The following STK3 variants were observed in gnomAD, a reference collection of about 807,000 sequenced individuals.
STK3 encodes the protein serine/threonine kinase 3.
Under a neutral mutation model 58.0 loss-of-function variants are expected in STK3, and 41 were observed. The observed-to-expected ratio is 0.71, with a 90% CI of 0.55 to 0.92. The LOEUF is 0.92. Among genes scored for constraint, STK3 ranks in the 40% least tolerant of loss-of-function variants. The pLI is 0.00. For synonymous variants in STK3, 170 were observed against 191.0 expected, an observed-to-expected ratio of 0.89 and a Z score of 0.91; for missense variants, 479 against 602.7, an observed-to-expected ratio of 0.79 and a Z score of 2.15.
At chr8:98,424,465 G>A (rs1334217434) in intron 3 of STK3, among the ~76,000 whole-genome samples, 1 of 152,212 alleles carries the variant, frequency 6.6e-6, no homozygotes, top group Admixed American at 6.5e-5. Flanking sequence ...AAGAGCAGGG[G>A]CAGAGCTGAG....
chr8:98,430,978 C>A (rs927953895), intron 3 of STK3: 7 of 167,100 alleles, frequency 4.2e-5, no homozygotes, highest in African/African-American at 1.7e-4. Context: ...GATAATTCTT[C>A]TCCATCATCT....
chr8:98,486,590 C>T (rs1822285042), intron 10 of STK3, among the ~76,000 whole-genome samples: 1 of 152,034 alleles, frequency 6.6e-6, no homozygotes, highest in East Asian at 1.9e-4. Flanking sequence ...CCCCTAGGAC[C>T]CAGTGGTATC....
chr8:98,678,323 T>C (rs1191745570), intron 6 of STK3, among the ~76,000 whole-genome samples: 2 of 152,170 alleles, frequency 1.3e-5, no homozygotes, highest in South Asian at 2.1e-4. Context: ...ATGAAATCCA[T>C]AGAGAATTGA....
chr8:98,511,541 A>G (rs1824516106), intron 10 of STK3, among the ~76,000 whole-genome samples: 1 of 152,268 alleles, frequency 6.6e-6, no homozygotes, highest in Non-Finnish European at 1.5e-5. Context: ...TATGAAATGG[A>G]GTATGAACTG....
At chr8:98,515,960 A>G (rs1386026128) in intron 10 of STK3, among the ~76,000 whole-genome samples, 3 of 152,096 alleles carry the variant, frequency 2.0e-5, no homozygotes, top group Admixed American at 6.6e-5. Context: ...ACATACTAAG[A>G]TCTCAATATG....
At chr8:98,463,576 A>G (rs1820185089) in intron 10 of STK3, among the ~76,000 whole-genome samples, 1 of 152,256 alleles carries the variant, frequency 6.6e-6, no homozygotes, top group South Asian at 2.1e-4. Context: ...AAGTATTGAA[A>G]GTCTGCTTAT....
At chr8:98,477,825 G>C (rs1271114802) in intron 10 of STK3, among the ~76,000 whole-genome samples, 1 of 149,510 alleles carries the variant, frequency 6.7e-6, no homozygotes, top group African/African-American at 2.5e-5. Context: ...ACTAATGAAC[G>C]TTTGGTGGGG....
intron 6 of STK3, among the ~76,000 whole-genome samples, chr8:98,698,966 CT>C (rs1356997518): frequency 1.3e-5 from 2 of 152,204 alleles, no homozygotes; most frequent in Non-Finnish European, 2.9e-5. Context: ...TGTTTTCCAA[CT>C]TGGTTCCATT....
At chr8:98,556,078 C>A (rs986700337) in intron 8 of STK3, among the ~76,000 whole-genome samples, 29 of 151,952 alleles carry the variant, frequency 1.9e-4, no homozygotes, top group Non-Finnish European at 2.8e-4. Flanking sequence ...CAAGTCTTAC[C>A]TGAGCTAGGT....
intron 10 of STK3, among the ~76,000 whole-genome samples, chr8:98,459,866 T>G (rs1464224945): frequency 2.6e-5 from 4 of 152,226 alleles, no homozygotes; most frequent in African/African-American, 9.6e-5. Flanking sequence ...GTAATGGAAA[T>G]GACTGGATGT....
chr8:98,762,657 G>A (rs968230559), intron 3 of STK3, among the ~76,000 whole-genome samples: 5 of 152,232 alleles, frequency 3.3e-5, no homozygotes, highest in African/African-American at 1.2e-4. Flanking sequence ...AAGGGGATAA[G>A]TGTGTGCCCT....
intron 1 of STK3, among the ~76,000 whole-genome samples, chr8:98,888,489 C>A (rs1838078124): frequency 6.6e-6 from 1 of 152,032 alleles, no homozygotes; most frequent in Non-Finnish European, 1.5e-5. Context: ...GGGCTGGACA[C>A]CCCCAGTCTA....
the STK3 span, among the ~76,000 whole-genome samples, chr8:98,356,988 G>A: frequency 2.0e-5 from 3 of 152,304 alleles, no homozygotes; most frequent in African/African-American, 7.2e-5. Flanking sequence ...TTACATATAA[G>A]ACCTCCTAAA....
At chr8:98,715,644 G>A (rs918641414) in intron 4 of STK3, among the ~76,000 whole-genome samples, 2 of 152,204 alleles carry the variant, frequency 1.3e-5, no homozygotes, top group African/African-American at 4.8e-5. Context: ...AAGCGCTGGA[G>A]AGGATGTGGA....
chr8:98,719,089 G>A (rs1315333672), intron 4 of STK3, among the ~76,000 whole-genome samples: 2 of 152,182 alleles, frequency 1.3e-5, no homozygotes, highest in African/African-American at 4.8e-5. Flanking sequence ...GTGGTGTGCA[G>A]CCAAATGTGG....
intron 8 of STK3, among the ~76,000 whole-genome samples, chr8:98,565,877 AT>A (rs1185130163): frequency 5.3e-5 from 8 of 152,184 alleles, no homozygotes; most frequent in African/African-American, 1.2e-4. Flanking sequence ...CAGAAAACGA[AT>A]TCTTACTATG....
chr8:98,644,102 C>A (rs1039737149), intron 6 of STK3, among the ~76,000 whole-genome samples: 5 of 152,166 alleles, frequency 3.3e-5, no homozygotes, highest in Non-Finnish European at 7.3e-5. Flanking sequence ...AGTTCAATTT[C>A]ATCACTGATA....
At chr8:98,432,314 C>T (rs528790069) in intron 3 of STK3, 1 of 167,086 alleles carries the variant, frequency 6.0e-6, no homozygotes, top group Non-Finnish European at 1.5e-5. Context: ...AGAGAAGTGT[C>T]ACTCCCAGCA....
chr8:98,923,876 C>CGCGCGT (rs1251621848), intron 1 of STK3, among the ~76,000 whole-genome samples: 11 of 146,436 alleles, frequency 7.5e-5, no homozygotes, highest in African/African-American at 2.8e-4. Context: ...CGCGCGCGCG[C>CGCGCGT]GTTGACAATG....
Sources: allele counts gnomAD v4.1 joint callset (sites outside exome capture counted in the v4.1 genomes callset), GRCh38; gene constraint gnomAD v4.1.1; transcripts MANE v1.5; gene names NCBI Gene and HGNC (gene_info 2026-07-23, HGNC 2026-07-21).